Variants in EFCC1 observed in about 807,000 individuals in gnomAD.
EFCC1 encodes EF-hand and coiled-coil domain containing 1.
In EFCC1, 50 loss-of-function variants were observed where a neutral mutation model predicts 52.1. The ratio of observed to expected loss-of-function variants is 0.96; its 90% CI spans 0.76 to 1.21. The LOEUF (loss-of-function observed/expected upper bound fraction) is 1.21. Ranked by LOEUF, EFCC1 falls within the 50% of genes most tolerant of loss-of-function variation. EFCC1 has a pLI of 0.00. For synonymous variants in EFCC1, 399 were observed against 396.5 expected, an observed-to-expected ratio of 1.01 and a Z score of -0.08; for missense variants, 837 against 867.3, an observed-to-expected ratio of 0.97 and a Z score of 0.44.
At chr3:129,027,621 T>G (rs1463979033) in intron 2 of EFCC1, among the ~76,000 whole-genome samples, 1 of 152,050 alleles carries the variant, frequency 6.6e-6, no homozygotes, top group African/African-American at 2.4e-5. Context: ...TAATATTTGG[T>G]CATAGGAAGT....
chr3:129,031,489 T>C (rs1225245081), intron 3 of EFCC1, among the ~76,000 whole-genome samples: 1 of 152,160 alleles, frequency 6.6e-6, no homozygotes, highest in Non-Finnish European at 1.5e-5. Context: ...CCCGGATCTC[T>C]GCATGTGATT....
intron 2 of EFCC1, among the ~76,000 whole-genome samples, chr3:129,005,474 T>A (rs578126304): frequency 6.6e-6 from 1 of 152,358 alleles, no homozygotes; most frequent in South Asian, 2.1e-4. Flanking sequence ...GGATTTCAGT[T>A]TTTCCCTTAA....
chr3:129,020,338 C>G (rs1945780252), intron 2 of EFCC1, among the ~76,000 whole-genome samples: 1 of 152,124 alleles, frequency 6.6e-6, no homozygotes, highest in Non-Finnish European at 1.5e-5. Context: ...GACTTACTCC[C>G]ATTTAAAAGA....
At position 129,030,771 on chromosome 3, in the gene EFCC1, C is replaced by T. The variant is rs940994406; in HGVS notation, c.1049C>T (p.Pro350Leu). ...NPEPGDKSNE[P>L]EDAGTRDPDP... ...GAGCCAGGAGACAAGAGTAATGAACCTGAAGATGCTGGGACCAGAGACCCA... is the reference window on the plus strand; with the variant it reads ...GAGCCAGGAGACAAGAGTAATGAACTTGAAGATGCTGGGACCAGAGACCCA... The change falls in exon 3 of 8, where the codon CCT becomes CTT. Residue 350 changes from proline (P) to leucine (L), a missense_variant. By Grantham distance (98) the Pro-to-Leu change is moderately conservative. Coordinates refer to ENST00000683648, the MANE Select transcript of EFCC1 (RefSeq NM_001377500.1). 41 of 1,551,594 alleles carry T rather than the reference C, an allele frequency of 2.6e-5. No individual in the cohort carries two copies. The Middle Eastern group carries it at 6.7e-4, about 25-fold the overall frequency.
chr3:129,025,966 G>C (rs932335305), intron 2 of EFCC1, among the ~76,000 whole-genome samples: 1 of 152,218 alleles, frequency 6.6e-6, no homozygotes, highest in Admixed American at 6.5e-5. Context: ...CCTGGCATGT[G>C]GGCCTGGAGC....
At chr3:129,039,613 C>T (rs999814125) in intron 7 of EFCC1, 99 bp from the exon 8 acceptor site, 12 of 1,490,656 alleles carry the variant, frequency 8.1e-6, no homozygotes, top group East Asian at 4.8e-5. Context: ...AGGGGCACAG[C>T]GGGTAAGAGT....
In EFCC1 at chr3:129,002,629, T is replaced by C. The variant is rs1286736932; in HGVS notation, c.696+305T>C. 6 of 435,844 alleles carry C rather than the reference T, an allele frequency of 1.4e-5. No homozygotes were observed. The Admixed American group carries it at 2.2e-4, about 16-fold the overall frequency. 27.0% of individuals were successfully genotyped at this position (435,844 alleles called of 1,614,324 possible). On this transcript the variant is annotated intron_variant, in intron 1 of 7. Transcript: ENST00000683648. ...GCGTCTTGCCCCTTTAACCTAGGAA[T>C]TGCACCTGTCTGGGTAGTCTCACAT...
rs954227657 is a variant in EFCC1, at chr3:129,014,283, A to G, written c.980+10206A>G. Among the ~76,000 whole-genome samples, 1 of 152,192 alleles carries G rather than the reference A, an allele frequency of 6.6e-6. No homozygotes were observed. The highest frequency in any genetic ancestry group is 1.5e-5 in the Non-Finnish European group (1 of 68,028). Reference sequence around the variant, plus strand: ...CGGGTGGACGAGGGGAGGGTCAGGGAGTGTGAGTCAGCTCGGGCTGCTGTG... The same window carrying G: ...CGGGTGGACGAGGGGAGGGTCAGGGGGTGTGAGTCAGCTCGGGCTGCTGTG... On this transcript the variant is annotated intron_variant, in intron 2 of 7. Transcript: ENST00000683648. The surrounding 1 kb of genome is among the most constrained non-coding windows in gnomAD (Gnocchi z 4.3).
Position 129,001,521 on chromosome 3 carries a change from C to T in EFCC1, c.-108C>T, listed in dbSNP as rs1187153496. On this transcript the variant is annotated 5_prime_UTR_variant, in exon 1 of 8. Coordinates refer to ENST00000683648, the MANE Select transcript of EFCC1 (RefSeq NM_001377500.1). ...GGTCCCCGGCGCCGCTCCAACCAGA[C>T]CGCGACCGCTAAGCCCCTCCTTTCG... 1.5e-6 allele frequency: 2 copies of T among 1,331,306 alleles called. No individual in the cohort carries two copies. The highest frequency in any genetic ancestry group is 3.1e-5 in the African/African-American group (2 of 64,604). The allele number at this position is 1,331,306 out of a possible 1,614,324, so 82.5% of individuals were successfully genotyped here. A position where few individuals can be genotyped will look rare whatever the true frequency, so the allele number is the denominator to read the frequency against.
In EFCC1 at chr3:129,030,963, C is replaced by T. The variant is rs557824075; in HGVS notation, c.1138+103C>T. 1.2e-5 allele frequency: 17 copies of T among 1,386,592 alleles called. No homozygotes were observed. The South Asian group carries it at 2.4e-4, about 20-fold the overall frequency. The allele number at this position is 1,386,592 out of a possible 1,614,324, so 85.9% of individuals were successfully genotyped here. A position where few individuals can be genotyped will look rare whatever the true frequency, so the allele number is the denominator to read the frequency against. Reference sequence around the variant, plus strand: ...TGTCTGCATCCATGCTACCACCAGCCTCCAAACAGAGCCCACTCCCACCAG... The same window carrying T: ...TGTCTGCATCCATGCTACCACCAGCTTCCAAACAGAGCCCACTCCCACCAG... On this transcript the variant is annotated intron_variant, in intron 3 of 7. Transcript: ENST00000683648.
Position 129,002,319 on chromosome 3 carries a change from C to T in EFCC1, c.691C>T (p.Leu231=). The change falls in exon 1 of 8, where the codon CTG becomes TTG. Residue 231 remains leucine, a synonymous_variant. Coordinates refer to ENST00000683648, the MANE Select transcript of EFCC1 (RefSeq NM_001377500.1). ...GAGCAGTGATGCGCGCTGCCTAGCA[C>T]TGCAGGTGCGCGCCGGCCACGAAGG... ...LQSSDARCLA[L]QVGLWKSQAS... 1 of 1,518,200 alleles carries T rather than the reference C, an allele frequency of 6.6e-7. No individual in the cohort carries two copies. Among genetic ancestry groups the T allele is most frequent in the African/African-American group, 1.4e-5 (1 of 71,166 alleles). 94.0% of individuals were successfully genotyped at this position (1,518,200 alleles called of 1,614,324 possible). A position where few individuals can be genotyped will look rare whatever the true frequency, so the allele number is the denominator to read the frequency against.
At chr3:129,016,378 C>T (rs1418334598) in intron 2 of EFCC1, among the ~76,000 whole-genome samples, 1 of 152,142 alleles carries the variant, frequency 6.6e-6, no homozygotes, top group African/African-American at 2.4e-5. Flanking sequence ...GGCCTACAAG[C>T]TGTAGCTCTT....
rs1396223865 is a variant in EFCC1 at position 129,001,485 on chromosome 3, C to G, written c.-144C>G. On this transcript the variant is annotated 5_prime_UTR_variant, in exon 1 of 8. Transcript: ENST00000683648. ...CAGACGCACTGTGAGGCCAGCGCAGCTGCTGGACACGGTCCCCGGCGCCGC... is the reference window on the plus strand; with the variant it reads ...CAGACGCACTGTGAGGCCAGCGCAGGTGCTGGACACGGTCCCCGGCGCCGC... 25 of 1,253,760 alleles carry G rather than the reference C, an allele frequency of 2.0e-5. No individual in the cohort carries two copies. Among genetic ancestry groups the G allele is most frequent in the Non-Finnish European group, 2.4e-5 (24 of 982,176 alleles). 77.7% of individuals were successfully genotyped at this position (1,253,760 alleles called of 1,614,324 possible). A position where few individuals can be genotyped will look rare whatever the true frequency, so the allele number is the denominator to read the frequency against.
chr3:129,020,402 C>T (rs1336484721), intron 2 of EFCC1, among the ~76,000 whole-genome samples: 4 of 152,038 alleles, frequency 2.6e-5, no homozygotes, highest in East Asian at 1.9e-4. Flanking sequence ...TTTGGGAGGC[C>T]GAGATGGGTG....
At chr3:129,015,046 C>T (rs770061453) in intron 2 of EFCC1, among the ~76,000 whole-genome samples, 1 of 152,194 alleles carries the variant, frequency 6.6e-6, no homozygotes, top group Non-Finnish European at 1.5e-5. Context: ...CCATCAGAAC[C>T]ACGGACCACA....
At chr3:129,004,175 T>C (rs980945988) in intron 2 of EFCC1, 98 bp downstream of exon 2, 1 of 1,302,966 alleles carries the variant, frequency 7.7e-7, no homozygotes, top group African/African-American at 1.6e-5. Flanking sequence ...GCTCTCGTGT[T>C]CCGCAGTTTC....
chr3:129,003,899 G>C lies in EFCC1; in HGVS notation c.802G>C (p.Glu268Gln). The change falls in exon 2 of 8, where the codon GAG (glutamate) becomes CAG (glutamine). Residue 268 changes from glutamate to glutamine, a missense_variant. By Grantham distance (29) the Glu-to-Gln change is conservative. Transcript: ENST00000683648. Reference protein sequence around the residue: ...RQAQGALAAAEARAGRLRRGQ... With the variant: ...RQAQGALAAAQARAGRLRRGQ... The stretch of plus-strand genomic sequence containing the variant: ...GGCGCAGGGCGCCCTGGCTGCGGCG[G>C]AGGCCCGCGCTGGGCGGCTGCGCCG... 7.3e-7 allele frequency: 1 copy of C among 1,374,200 alleles called. No individual in the cohort carries two copies. Among genetic ancestry groups the C allele is most frequent in the Non-Finnish European group, 9.4e-7 (1 of 1,067,058 alleles). 85.1% of individuals were successfully genotyped at this position (1,374,200 alleles called of 1,614,324 possible).
chr3:129,022,255 A>C (rs1027521076), intron 2 of EFCC1, among the ~76,000 whole-genome samples: 1 of 152,234 alleles, frequency 6.6e-6, no homozygotes, highest in African/African-American at 2.4e-5. Flanking sequence ...CAGAGTCCCC[A>C]GCAGTGTTGA....
In EFCC1 at chr3:129,040,026, C is replaced by A; in HGVS notation, c.*178C>A. On this transcript the variant is annotated 3_prime_UTR_variant, in exon 8 of 8. Coordinates refer to ENST00000683648, the MANE Select transcript of EFCC1 (RefSeq NM_001377500.1). This position sits in a 1 kb window ranked among gnomAD's most constrained non-coding sequence, Gnocchi z 4.4. ...CAGAGCCTCCCATTGCAGCACCTGG[C>A]AGCCACCCCTTCCTCGGGCTCCTCC... 1.4e-6 allele frequency: 1 copy of A among 739,308 alleles called. No individual in the cohort carries two copies. Among genetic ancestry groups the A allele is most frequent in the Non-Finnish European group, 2.0e-6 (1 of 499,322 alleles). The allele number at this position is 739,308 out of a possible 1,614,324, so 45.8% of individuals were successfully genotyped here.
Sources: gnomAD v4.1 joint callset for allele counts (sites outside exome capture counted in the v4.1 genomes callset) on GRCh38, gnomAD v4.1.1 for gene constraint, Gnocchi (gnomAD v3.1) non-coding constraint, MANE v1.5 for transcripts, NCBI Gene and HGNC (gene_info 2026-07-23, HGNC 2026-07-21) for gene names.